VPS13A: variants seen among roughly 807,000 people sequenced by gnomAD.
The protein encoded by VPS13A is vacuolar protein sorting 13 homolog A.
A neutral mutation model predicts 390.9 loss-of-function variants in VPS13A; 264 were observed. The ratio of observed to expected loss-of-function variants is 0.68; its 90% CI spans 0.61 to 0.75. The LOEUF is 0.75. VPS13A is among the 30% of genes least tolerant of loss of function. VPS13A has a pLI of 0.00. For synonymous variants in VPS13A, 1,231 were observed against 1,227.1 expected (o/e 1.00, Z -0.07); for missense variants, 3,409 against 3,733.9 (o/e 0.91, Z 2.27).
chr9:77,200,525 A>G (rs1333507035), intron 2 of VPS13A, among the ~76,000 whole-genome samples: 1 of 152,086 alleles, frequency 6.6e-6, no homozygotes, highest in Non-Finnish European at 1.5e-5. Flanking sequence ...TACAAAAAAT[A>G]CAGATGTTTT....
chr9:77,360,632 A>C lies in VPS13A; in HGVS notation c.8202A>C (p.Glu2734Asp). 1.2e-6 allele frequency: 2 copies of C among 1,608,706 alleles called. No homozygotes were observed. Among genetic ancestry groups the C allele is most frequent in the Non-Finnish European group, 1.7e-6 (2 of 1,175,438 alleles). Reference protein sequence around the residue: ...TDLMTEAEVTENTEVELFHKD... With the variant: ...TDLMTEAEVTDNTEVELFHKD... ...TTATGACAGAAGCTGAGGTGACTGA[A>C]AATACAGAGGTAAGACTTAAAATAA... is the stretch of plus-strand genomic sequence containing the variant. The change falls in exon 59 of 72, where the codon GAA (glutamate) becomes GAC (aspartate). Residue 2734 changes from glutamate to aspartate, a missense_variant. Coordinates refer to ENST00000360280, the MANE Select transcript of VPS13A (RefSeq NM_033305.3).
At chr9:77,304,355 T>A (rs1341927598) in intron 34 of VPS13A, among the ~76,000 whole-genome samples, 2 of 152,182 alleles carry the variant, frequency 1.3e-5, no homozygotes, top group African/African-American at 4.8e-5. Context: ...TGCAAAGTAA[T>A]TGTTTAAAGT....
At chr9:77,263,156 G>C (rs1159041325) in intron 23 of VPS13A, among the ~76,000 whole-genome samples, 1 of 151,080 alleles carries the variant, frequency 6.6e-6, no homozygotes, top group Admixed American at 6.6e-5. Context: ...GCCCAGCCTG[G>C]AGTGCAGTGG....
intron 1 of VPS13A, among the ~76,000 whole-genome samples, chr9:77,196,198 G>T (rs908775990): frequency 6.6e-6 from 1 of 151,914 alleles, no homozygotes; most frequent in African/African-American, 2.4e-5. Flanking sequence ...TTACAATTTT[G>T]TTTTTAATTG....
intron 69 of VPS13A, 123 bp downstream of exon 69, chr9:77,403,444 TC>T: frequency 1.2e-6 from 1 of 823,350 alleles, no homozygotes; most frequent in Middle Eastern, 2.8e-4. Flanking sequence ...GTCTTCTTGC[TC>T]CACAAGCCTA....
chr9:77,370,671 C>T (rs1832700573), intron 65 of VPS13A, 93 bp downstream of exon 65: 1 of 1,554,824 alleles, frequency 6.4e-7, no homozygotes, highest in Admixed American at 1.7e-5. Context: ...ATTCTCACTC[C>T]TTAAATTATT....
At chr9:77,261,731 C>T (rs147401723) in intron 23 of VPS13A, among the ~76,000 whole-genome samples, 4 of 151,972 alleles carry the variant, frequency 2.6e-5, no homozygotes, top group Non-Finnish European at 2.9e-5. Flanking sequence ...ACTACAAGTG[C>T]GTGCCACTAC....
At chr9:77,210,560 T>G in intron 6 of VPS13A, 56 bp from the exon 7 acceptor site, 1 of 1,554,182 alleles carries the variant, frequency 6.4e-7, no homozygotes, top group Non-Finnish European at 8.9e-7. Context: ...TTCTATAAAG[T>G]GGATTTTATC....
intron 71 of VPS13A, among the ~76,000 whole-genome samples, chr9:77,408,355 C>T (rs934101338): frequency 1.3e-5 from 2 of 152,338 alleles, no homozygotes; most frequent in Middle Eastern, 3.4e-3. Flanking sequence ...TCTACAGCTC[C>T]TAGTGTGAGC....
chr9:77,298,907 T>C (rs11145379), intron 33 of VPS13A, among the ~76,000 whole-genome samples: 15,555 of 152,230 alleles, frequency 0.1, 826 homozygotes, highest in Middle Eastern at 0.13. Context: ...CTGTGTAAGA[T>C]GTGCCGCTGT....
In VPS13A at chr9:77,290,973, T is replaced by C. The variant is rs551820206; in HGVS notation, c.3340-2368T>C. Among the ~76,000 whole-genome samples, 73 of 152,196 alleles carry C rather than the reference T, an allele frequency of 4.8e-4. 2 individuals are homozygous for C. Among genetic ancestry groups the C allele is most frequent in the Admixed American group, 7.9e-4 (12 of 15,280 alleles). ...TATTTGCTTGAATTTTTTCCCTTGC[T>C]TTTATAGGGCATCTCATAATTATTG... is the stretch of plus-strand genomic sequence containing the variant. On this transcript the variant is annotated intron_variant, in intron 31 of 71. Transcript: ENST00000360280.
At chr9:77,382,555 A>G (rs1587699047) in intron 68 of VPS13A, 12 of 1,161,898 alleles carry the variant, frequency 1.0e-5, no homozygotes, top group Non-Finnish European at 1.2e-5. Context: ...CAATTAAACC[A>G]TTTCTGTTGT....
intron 50 of VPS13A, among the ~76,000 whole-genome samples, chr9:77,342,400 A>AT (rs35618394): frequency 0.39 from 58,209 of 148,000 alleles, 11,445 homozygotes; most frequent in South Asian, 0.5. Flanking sequence ...CTTAACTGTC[A>AT]TTTTTTTTTT....
At chr9:77,277,821 G>A (rs545961012) in intron 26 of VPS13A, among the ~76,000 whole-genome samples, 7 of 152,232 alleles carry the variant, frequency 4.6e-5, no homozygotes, top group Non-Finnish European at 7.4e-5. Context: ...TTCATGTACT[G>A]AAGGATATCT....
Position 77,283,473 on chromosome 9 carries a change from TAATAA to T in VPS13A, c.3235+6_3235+10del. 1 of 1,599,004 alleles carries T rather than the reference TAATAA, an allele frequency of 6.3e-7. No homozygotes were observed. Among genetic ancestry groups the T allele is most frequent in the Non-Finnish European group, 8.6e-7 (1 of 1,166,716 alleles). ...ACATTTCTGAAATTAAGATTGAAGG[TAATAA>T]AATTTCACAAAAAGCAAATTAAAAG... On this transcript the variant is annotated splice_donor_5th_base_variant and intron_variant, in intron 30 of 71. Coordinates refer to ENST00000360280, the MANE Select transcript of VPS13A (RefSeq NM_033305.3).
chr9:77,279,458 G>A (rs987899731), intron 26 of VPS13A, among the ~76,000 whole-genome samples: 4 of 152,034 alleles, frequency 2.6e-5, no homozygotes, highest in Non-Finnish European at 5.9e-5. Flanking sequence ...ATGCTCAGCT[G>A]CTTGTATCTG....
intron 17 of VPS13A, among the ~76,000 whole-genome samples, chr9:77,235,651 G>A (rs924355071): frequency 2.0e-5 from 3 of 152,034 alleles, no homozygotes. Context: ...TTTTTCTCAT[G>A]TCCTTCGGAG....
At position 77,280,207 on chromosome 9, in the gene VPS13A, T is replaced by C. The variant is rs1826938212; in HGVS notation, c.2873T>C (p.Met958Thr). 6.2e-7 allele frequency: 1 copy of C among 1,612,962 alleles called. No individual in the cohort carries two copies. The highest frequency in any genetic ancestry group is 8.5e-7 in the Non-Finnish European group (1 of 1,179,374). ...TTGGTTACAACCCTGGATAACACAA[T>C]GGAAGACCTGTTAACGCTGGAATAT... ...VYLVTTLDNT[M>T]EDLLTLEYVK... is the part of the protein sequence containing the mutation. The change falls in exon 27 of 72, where the codon ATG becomes ACG. Residue 958 changes from methionine to threonine, a missense_variant. By Grantham distance (81) the Met-to-Thr change is moderately conservative (BLOSUM62 -1). Around this residue, in one of 5 missense-constraint regions of VPS13A, gnomAD observed 2,717 missense variants for 2,917.4 expected, o/e 0.93. Coordinates refer to ENST00000360280, the MANE Select transcript of VPS13A (RefSeq NM_033305.3).
intron 71 of VPS13A, among the ~76,000 whole-genome samples, chr9:77,415,657 A>G (rs1288048786): frequency 1.3e-5 from 2 of 152,194 alleles, no homozygotes; most frequent in Non-Finnish European, 2.9e-5. Context: ...ATACAAAATC[A>G]GCACAGATTG....
Sources: allele counts gnomAD v4.1 joint callset (sites outside exome capture counted in the v4.1 genomes callset), GRCh38; gene constraint gnomAD v4.1.1; regional missense constraint gnomAD v4.1.1; transcripts MANE v1.5; gene names NCBI Gene and HGNC (gene_info 2026-07-23, HGNC 2026-07-21).